ECRG4: variants seen among roughly 807,000 people sequenced by gnomAD.
ECRG4 encodes augurin.
A neutral mutation model predicts 15.8 loss-of-function variants in ECRG4; 18 were observed. The observed-to-expected ratio is 1.14, with a 90% CI of 0.79 to 1.69. The LOEUF (loss-of-function observed/expected upper bound fraction) is 1.69. ECRG4 is among the 40% of genes most tolerant of loss of function. ECRG4 has a pLI of 0.00. For synonymous variants in ECRG4, 82 were observed against 73.9 expected (o/e 1.11, Z -0.56); for missense variants, 200 against 190.9 (o/e 1.05, Z -0.28).
At chr2:106,077,241 A>G (rs908827538) in intron 3 of ECRG4, among the ~76,000 whole-genome samples, 5 of 152,184 alleles carry the variant, frequency 3.3e-5, no homozygotes, top group African/African-American at 1.2e-4. Flanking sequence ...CTAACCAACA[A>G]CACAGGTATA....
chr2:106,077,957 A>C lies in ECRG4; in HGVS notation c.*31A>C, dbSNP rs1573365912. On this transcript the variant is annotated 3_prime_UTR_variant, in exon 4 of 4. Coordinates refer to ENST00000238044, the MANE Select transcript of ECRG4 (RefSeq NM_032411.3). ...ACTTGCCACACGCTGTACAAGAAGC[A>C]AATAGCGATTCTCTTCATGTATCTC... The C allele has an allele frequency of 6.2e-7, 1 of 1,604,326 alleles. No homozygotes were observed. Among genetic ancestry groups the C allele is most frequent in the Non-Finnish European group, 8.5e-7 (1 of 1,174,644 alleles).
At chr2:106,069,117 CT>C (rs202177801) in intron 1 of ECRG4, among the ~76,000 whole-genome samples, 2 of 121,616 alleles carry the variant, frequency 1.6e-5, no homozygotes, top group African/African-American at 5.9e-5. Flanking sequence ...CCTTCTTTTT[CT>C]TTCTTCCTTT....
At chr2:106,075,730 A>G (rs143853820) in intron 3 of ECRG4, among the ~76,000 whole-genome samples, 36 of 151,396 alleles carry the variant, frequency 2.4e-4, no homozygotes, top group African/African-American at 8.5e-4. Flanking sequence ...TCAAAAAAGA[A>G]AAAAAAAAGA....
chr2:106,066,249 A>G (rs7560684), intron 1 of ECRG4, among the ~76,000 whole-genome samples: 63,058 of 152,152 alleles, frequency 0.41, 13,553 homozygotes, highest in African/African-American at 0.5. Context: ...GCAGTCGCTT[A>G]GCAACCAAGT....
chr2:106,071,628 C>T (rs1381278869), intron 1 of ECRG4, among the ~76,000 whole-genome samples: 1 of 152,198 alleles, frequency 6.6e-6, no homozygotes, highest in Non-Finnish European at 1.5e-5. Flanking sequence ...TACCCTTGGT[C>T]GGCTGTGGTC....
rs756513392 is a variant in ECRG4 at position 106,065,731 on chromosome 2, G to A, written c.-34G>A. The A allele has an allele frequency of 1.6e-5, 24 of 1,454,578 alleles. No homozygotes were observed. The highest frequency in any genetic ancestry group is 2.7e-6 in the Non-Finnish European group (3 of 1,105,258). 90.1% of individuals were successfully genotyped at this position (1,454,578 alleles called of 1,614,324 possible). A position where few individuals can be genotyped will look rare whatever the true frequency, so the allele number is the denominator to read the frequency against. On this transcript the variant is annotated 5_prime_UTR_variant, in exon 1 of 4. Transcript: ENST00000238044. ...GTTCTCCCTCGCAGCACCTCGAAGTGCGCCCCTCGCCCTCCTGCTCGCGCC... is the reference window on the plus strand; with the variant it reads ...GTTCTCCCTCGCAGCACCTCGAAGTACGCCCCTCGCCCTCCTGCTCGCGCC...
At chr2:106,067,772 C>A (rs977556087) in intron 1 of ECRG4, among the ~76,000 whole-genome samples, 43 of 152,114 alleles carry the variant, frequency 2.8e-4, no homozygotes, top group Non-Finnish European at 1.2e-4. Context: ...CATGAACCAC[C>A]ATGCCCAGCC....
rs200452664 is a variant in ECRG4 at position 106,067,999 on chromosome 2, C to A, written c.79+2156C>A. Among the ~76,000 whole-genome samples, 163 of 24,692 alleles carry A rather than the reference C, an allele frequency of 6.6e-3. 1 individual carries two copies. The East Asian group carries it at 0.097, about 15-fold the overall frequency. The allele number at this position is 24,692 out of a possible 152,430, so 16.2% of individuals were successfully genotyped here. Reference sequence around the variant, plus strand: ...ACAGGTGTGTTGACTCCACGCCTGGCAATTTTTTTTTTTTCTTTTAATTTT... The same window carrying A: ...ACAGGTGTGTTGACTCCACGCCTGGAAATTTTTTTTTTTTCTTTTAATTTT... On this transcript the variant is annotated intron_variant, in intron 1 of 3. Coordinates refer to ENST00000238044, the MANE Select transcript of ECRG4 (RefSeq NM_032411.3).
intron 3 of ECRG4, among the ~76,000 whole-genome samples, chr2:106,075,457 C>G (rs1008647972): frequency 3.9e-5 from 6 of 152,216 alleles, no homozygotes; most frequent in African/African-American, 1.4e-4. Context: ...CATGGTGGCT[C>G]ATGCCTGTAA....
At chr2:106,074,284 A>G (rs1483510517) in intron 3 of ECRG4, 1 of 483,064 alleles carries the variant, frequency 2.1e-6, no homozygotes, top group Non-Finnish European at 3.7e-6. Flanking sequence ...TCATGAACCA[A>G]AACAGCGGGG....
chr2:106,064,118 C>T (rs927980072), upstream of ECRG4, among the ~76,000 whole-genome samples: 3 of 152,186 alleles, frequency 2.0e-5, no homozygotes, highest in South Asian at 2.1e-4. Context: ...ACTCCTATCC[C>T]CTATTCTACA....
Position 106,073,988 on chromosome 2 carries a change from G to C in ECRG4, c.230G>C (p.Arg77Pro), listed in dbSNP as rs774800281. The change falls in exon 3 of 4, where the codon CGG (arginine) becomes CCG (proline). Residue 77 changes from arginine (R) to proline (P), a missense_variant. By Grantham distance (103) the Arg-to-Pro change is moderately radical. Coordinates refer to ENST00000238044, the MANE Select transcript of ECRG4 (RefSeq NM_032411.3). ...RQKRQLWDRT[R>P]PEVQQWYQQF... Reference sequence around the variant, plus strand: ...AAGCGGCAGCTGTGGGACCGGACTCGGCCCGAGGTGCAGCAGTGGTACCAG... The same window carrying C: ...AAGCGGCAGCTGTGGGACCGGACTCCGCCCGAGGTGCAGCAGTGGTACCAG... 8.7e-6 allele frequency: 14 copies of C among 1,614,024 alleles called. No homozygotes were observed. The highest frequency in any genetic ancestry group is 1.2e-5 in the Non-Finnish European group (14 of 1,180,054).
upstream of ECRG4, among the ~76,000 whole-genome samples, chr2:106,063,891 G>C (rs779263979): frequency 7.2e-5 from 11 of 152,178 alleles, no homozygotes; most frequent in Non-Finnish European, 1.5e-4. Context: ...CTTAAGTGAA[G>C]AGAATTTGAA....
At chr2:106,068,475 T>C (rs1676271344) in intron 1 of ECRG4, among the ~76,000 whole-genome samples, 1 of 152,236 alleles carries the variant, frequency 6.6e-6, no homozygotes, top group African/African-American at 2.4e-5. Flanking sequence ...GCAACATTCA[T>C]AATTCATAAT....
At chr2:106,067,104 C>A (rs1342319024) in intron 1 of ECRG4, among the ~76,000 whole-genome samples, 1 of 119,010 alleles carries the variant, frequency 8.4e-6, no homozygotes, top group East Asian at 2.9e-4. Context: ...GGGTTCGAGA[C>A]CAGCCTGACC....
rs192893489 is a variant in ECRG4 at position 106,068,136 on chromosome 2, C to T, written c.79+2293C>T. Among the ~76,000 whole-genome samples the T allele has an allele frequency of 9.5e-3, 1,438 of 152,168 alleles. 12 individuals are homozygous for T. The highest frequency in any genetic ancestry group is 0.012 in the Non-Finnish European group (830 of 68,018). On this transcript the variant is annotated intron_variant, in intron 1 of 3. Transcript: ENST00000238044. ...CTAGGATTATAGGCTTGAACCACCA[C>T]GCCCTTCCTCACTCACAAACATTTA...
chr2:106,078,078 C>T lies in ECRG4; in HGVS notation c.*152C>T. The T allele has an allele frequency of 1.8e-6, 1 of 544,914 alleles. No homozygotes were observed. The highest frequency in any genetic ancestry group is 3.2e-5 in the East Asian group (1 of 30,912). 33.8% of individuals were successfully genotyped at this position (544,914 alleles called of 1,614,324 possible). ...TCAAAAAAGAAGAGTTAAAACAACA[C>T]ATGTAAATGCCTTTTGATATTTCAT... is the stretch of plus-strand genomic sequence containing the variant. On this transcript the variant is annotated 3_prime_UTR_variant, in exon 4 of 4. Transcript: ENST00000238044.
At chr2:106,063,740 G>A (rs1390331312), upstream of ECRG4, among the ~76,000 whole-genome samples, 7 of 152,068 alleles carry the variant, frequency 4.6e-5, no homozygotes, top group African/African-American at 1.4e-4. Flanking sequence ...GCACCACCAC[G>A]CCTGGCTAAT....
intron 1 of ECRG4, among the ~76,000 whole-genome samples, chr2:106,068,101 T>C (rs1160836689): frequency 6.6e-6 from 1 of 151,954 alleles, no homozygotes; most frequent in Non-Finnish European, 1.5e-5. Context: ...TGCCTCGGCT[T>C]CCCAAAGTGC....
Sources: allele counts gnomAD v4.1 joint callset (sites outside exome capture counted in the v4.1 genomes callset), GRCh38; gene constraint gnomAD v4.1.1; transcripts MANE v1.5; gene names NCBI Gene and HGNC (gene_info 2026-07-23, HGNC 2026-07-21).